Variants in CNKSR2 observed in about 807,000 individuals in gnomAD.
CNKSR2 encodes CNK homolog protein 2.
Under a neutral mutation model 84.4 loss-of-function variants are expected in CNKSR2, and 14 were observed. The ratio of observed to expected loss-of-function variants is 0.17; its 90% CI spans 0.11 to 0.26. The LOEUF (loss-of-function observed/expected upper bound fraction) is 0.26, where lower values mean the gene tolerates loss of function less well. Ranked by LOEUF, CNKSR2 falls within the 10% of genes least tolerant of loss-of-function variation. The probability of loss-of-function intolerance (pLI) is 1.00; values close to 1 mark genes in which losing one functional copy is unlikely to be tolerated. For synonymous variants in CNKSR2, 275 were observed against 277.9 expected (o/e 0.99, Z 0.10); for missense variants, 485 against 771.2 (o/e 0.63, Z 4.40).
intron 6 of CNKSR2, among the ~76,000 whole-genome samples, chrX:21,497,285 A>C (rs1232506999): frequency 9.0e-6 from 1 of 111,380 alleles, no homozygotes; most frequent in Non-Finnish European, 1.9e-5. Context: ...GGATACTACA[A>C]AATAGAAGGA....
intron 4 of CNKSR2, among the ~76,000 whole-genome samples, chrX:21,464,710 C>T (rs759243654): frequency 2.7e-5 from 3 of 111,696 alleles, no homozygotes; most frequent in Non-Finnish European, 5.6e-5. Context: ...ACTCACAACT[C>T]ACATTGCTGT....
chrX:21,623,054 A>G (rs1403364920), intron 20 of CNKSR2, among the ~76,000 whole-genome samples: 3 of 111,048 alleles, frequency 2.7e-5, no homozygotes, highest in Admixed American at 9.6e-5. Flanking sequence ...TTGGACTTTT[A>G]CAGATCTAGT....
At chrX:21,482,858 A>G (rs764496880) in intron 5 of CNKSR2, among the ~76,000 whole-genome samples, 4 of 111,737 alleles carry the variant, frequency 3.6e-5, no homozygotes, top group African/African-American at 9.7e-5. Context: ...TTTCCCCACC[A>G]TGAGAGTTTG....
chrX:21,642,606 C>A (rs2092695240), intron 20 of CNKSR2: 1 of 745,404 alleles, frequency 1.3e-6, no homozygotes, highest in South Asian at 6.9e-5. Context: ...GTGCAATGAA[C>A]AGATAATTTA....
intron 1 of CNKSR2, among the ~76,000 whole-genome samples, chrX:21,396,739 T>A (rs1041002990): frequency 8.9e-6 from 1 of 112,021 alleles, no homozygotes; most frequent in Middle Eastern, 4.2e-3. Context: ...TATGCCCTCA[T>A]GTTACTTGTA....
intron 1 of CNKSR2, among the ~76,000 whole-genome samples, chrX:21,379,772 A>G (rs1347789892): frequency 8.9e-6 from 1 of 111,764 alleles, no homozygotes; most frequent in Non-Finnish European, 1.9e-5. Flanking sequence ...AGGCAAAGAC[A>G]GAGAGAGGTG....
chrX:21,421,430 G>A (rs112829691), intron 1 of CNKSR2, among the ~76,000 whole-genome samples: 44 of 108,941 alleles, frequency 4.0e-4, no homozygotes, highest in African/African-American at 1.2e-3. Context: ...GTGTCCTTGC[G>A]GGGGGCTAGG....
At chrX:21,403,776 A>C (rs1372714582) in intron 1 of CNKSR2, among the ~76,000 whole-genome samples, 1 of 111,800 alleles carries the variant, frequency 8.9e-6, no homozygotes, top group Non-Finnish European at 1.9e-5. Flanking sequence ...TGGTCTTACT[A>C]TTAATAAGTA....
At chrX:21,571,753 A>C (rs765507979) in intron 13 of CNKSR2, among the ~76,000 whole-genome samples, 2 of 112,317 alleles carry the variant, frequency 1.8e-5, no homozygotes, top group South Asian at 7.4e-4. Context: ...TAATGGAAAA[A>C]CTGTGATATT....
intron 1 of CNKSR2, among the ~76,000 whole-genome samples, chrX:21,375,813 C>T (rs1601707519): frequency 2.7e-5 from 3 of 111,514 alleles, no homozygotes; most frequent in East Asian, 2.8e-4. Context: ...AGACACTCAC[C>T]CTCCTAATCG....
At chrX:21,588,466 T>A (rs2092401740) in intron 13 of CNKSR2, among the ~76,000 whole-genome samples, 1 of 112,331 alleles carries the variant, frequency 8.9e-6, no homozygotes, top group African/African-American at 3.2e-5. Context: ...GGAAAAATAA[T>A]AAAATCTCTC....
chrX:21,404,233 G>A (rs1396962203), intron 1 of CNKSR2, among the ~76,000 whole-genome samples: 1 of 111,326 alleles, frequency 9.0e-6, no homozygotes, highest in East Asian at 2.8e-4. Context: ...CAGGAGAAAG[G>A]GGGATGATGA....
At chrX:21,497,909 A>G (rs911426205) in intron 7 of CNKSR2, 63 bp downstream of exon 7, 3 of 548,008 alleles carry the variant, frequency 5.5e-6, no homozygotes, top group Admixed American at 5.0e-5. Context: ...AACAACTTAT[A>G]TATCTCACAT....
chrX:21,637,921 AT>A, intron 20 of CNKSR2, among the ~76,000 whole-genome samples: 1 of 111,397 alleles, frequency 9.0e-6, no homozygotes, highest in Non-Finnish European at 1.9e-5. Flanking sequence ...AATATCTGCT[AT>A]TGATGACCTT....
chrX:21,450,810 G>A (rs971843234), intron 4 of CNKSR2, among the ~76,000 whole-genome samples: 1 of 111,503 alleles, frequency 9.0e-6, no homozygotes, highest in African/African-American at 3.3e-5. Context: ...AGAAATGTTA[G>A]CCTCATTCTA....
intron 8 of CNKSR2, among the ~76,000 whole-genome samples, chrX:21,508,232 A>G (rs1243101312): frequency 1.8e-5 from 2 of 112,196 alleles, no homozygotes; most frequent in Non-Finnish European, 3.8e-5. Context: ...CAGGAGGCTG[A>G]GGCAGGAAGA....
chrX:21,409,228 TTATATATA>T (rs57301315), intron 1 of CNKSR2, among the ~76,000 whole-genome samples: 2,670 of 38,305 alleles, frequency 0.07, 109 homozygotes, highest in Non-Finnish European at 0.093. Context: ...AATGAAAAAA[TTATATATA>T]TATATATATA....
At chrX:21,452,415 G>A (rs758575628) in intron 4 of CNKSR2, among the ~76,000 whole-genome samples, 4 of 111,549 alleles carry the variant, frequency 3.6e-5, no homozygotes, top group East Asian at 2.8e-4. Context: ...TTTTCTAATC[G>A]TTGATAACCT....
At chrX:21,604,331 G>T (rs1318333870) in intron 18 of CNKSR2, among the ~76,000 whole-genome samples, 1 of 110,493 alleles carries the variant, frequency 9.1e-6, no homozygotes, top group Non-Finnish European at 1.9e-5. Flanking sequence ...TGGGGGGAGG[G>T]GGAAGGGATA....
Sources: allele counts gnomAD v4.1 joint callset (sites outside exome capture counted in the v4.1 genomes callset), GRCh38; gene constraint gnomAD v4.1.1; transcripts MANE v1.5; gene names NCBI Gene and HGNC (gene_info 2026-07-23, HGNC 2026-07-21).